COBL: variants seen among roughly 807,000 people sequenced by gnomAD.
COBL encodes cordon-bleu WH2 repeat protein, also known as protein cordon-bleu.
COBL carries 51 observed loss-of-function variants against 98.8 expected under a neutral mutation model. That is an observed-to-expected ratio of 0.52 (90% CI 0.41 to 0.65). The LOEUF is 0.65. Ranked by LOEUF, COBL falls within the 30% of genes least tolerant of loss-of-function variation. COBL has a pLI of 0.00. For synonymous variants in COBL, 634 were observed against 651.7 expected, an observed-to-expected ratio of 0.97 and a Z score of 0.41; for missense variants, 1,617 against 1,617.5, an observed-to-expected ratio of 1.00 and a Z score of 0.01.
chr7:51,299,427 CT>C (rs1424727617), intron 1 of COBL, among the ~76,000 whole-genome samples: 1 of 152,244 alleles, frequency 6.6e-6, no homozygotes, highest in Non-Finnish European at 1.5e-5. Context: ...CTATCTGTCT[CT>C]CTTTCTTCCC....
intron 1 of COBL, among the ~76,000 whole-genome samples, chr7:51,245,216 T>A (rs1796187149): frequency 1.3e-5 from 2 of 152,124 alleles, no homozygotes; most frequent in Admixed American, 1.3e-4. Flanking sequence ...TCCCTGAAAC[T>A]CCTGCTTTCA....
intron 7 of COBL, among the ~76,000 whole-genome samples, chr7:51,082,362 GC>G (rs1714816406): frequency 6.6e-6 from 1 of 152,150 alleles, no homozygotes; most frequent in Non-Finnish European, 1.5e-5. Flanking sequence ...TGCCCATAAT[GC>G]CATGGAGTGT....
At chr7:51,099,100 A>G (rs1378037146) in intron 6 of COBL, among the ~76,000 whole-genome samples, 4 of 152,162 alleles carry the variant, frequency 2.6e-5, no homozygotes, top group Admixed American at 2.6e-4. Context: ...TCAAAAAAAA[A>G]AAAAAAGAGA....
At chr7:51,191,138 C>T in intron 3 of COBL, 60 bp from the exon 4 acceptor site, 1 of 1,474,480 alleles carries the variant, frequency 6.8e-7, no homozygotes, top group East Asian at 2.3e-5. Context: ...GCCTTCAACT[C>T]TTGTGTCAAT....
intron 1 of COBL, among the ~76,000 whole-genome samples, chr7:51,250,585 T>C (rs149487846): frequency 6.6e-6 from 1 of 152,334 alleles, no homozygotes; most frequent in African/African-American, 2.4e-5. Context: ...TGTGTGCAAG[T>C]ATCTTTTATT....
intron 5 of COBL, among the ~76,000 whole-genome samples, chr7:51,146,245 A>C (rs1785019400): frequency 6.6e-6 from 1 of 152,248 alleles, no homozygotes; most frequent in South Asian, 2.1e-4. Flanking sequence ...TGTCTGTTTA[A>C]GTAAATCACT....
chr7:51,310,434 T>C (rs1465589371), intron 1 of COBL, among the ~76,000 whole-genome samples: 1 of 152,142 alleles, frequency 6.6e-6, no homozygotes, highest in African/African-American at 2.4e-5. Flanking sequence ...GTCAATAGGA[T>C]TAACAAATAA....
rs150865802 is a variant in COBL, at chr7:51,292,805, C to G, written c.41+23788G>C. ...AACTCTTTGCAGCCCCTGCAGGCCC[C>G]GAGCAGCCCTGAGTAAAGAGGAGCA... On this transcript the variant is annotated intron_variant, in intron 1 of 12. Transcript: ENST00000265136. Among the ~76,000 whole-genome samples the G allele has an allele frequency of 6.1e-3, 924 of 152,328 alleles. 14 individuals are homozygous for G. Among genetic ancestry groups the G allele is most frequent in the African/African-American group, 0.021 (871 of 41,576 alleles).
chr7:51,175,388 C>T (rs1415261507), intron 5 of COBL, among the ~76,000 whole-genome samples: 1 of 152,190 alleles, frequency 6.6e-6, no homozygotes, highest in Non-Finnish European at 1.5e-5. Context: ...TTAGAGACCG[C>T]TCCTTAAACC....
intron 5 of COBL, among the ~76,000 whole-genome samples, chr7:51,171,273 A>G (rs1321649127): frequency 6.6e-6 from 1 of 152,130 alleles, no homozygotes; most frequent in Non-Finnish European, 1.5e-5. Context: ...CTATTGACAA[A>G]TTTGAAAGAT....
chr7:51,295,413 AT>A (rs1185903322), intron 1 of COBL, among the ~76,000 whole-genome samples: 3 of 152,178 alleles, frequency 2.0e-5, no homozygotes, highest in Non-Finnish European at 4.4e-5. Context: ...AAAAATAACG[AT>A]TAAAAATACA....
intron 2 of COBL, among the ~76,000 whole-genome samples, chr7:51,203,151 G>A (rs1791300293): frequency 1.3e-5 from 2 of 151,698 alleles, no homozygotes; most frequent in Non-Finnish European, 2.9e-5. Flanking sequence ...TTAGCATAAG[G>A]AAGTTAATAA....
intron 1 of COBL, among the ~76,000 whole-genome samples, chr7:51,279,713 A>G (rs2129174790): frequency 6.6e-6 from 1 of 152,332 alleles, no homozygotes; most frequent in African/African-American, 2.4e-5. Context: ...ATGTACAATG[A>G]CACGTATTCA....
rs1366879349 is a variant in COBL, at chr7:51,136,319, T to G, written c.796A>C (p.Thr266Pro). The G allele has an allele frequency of 6.2e-7, 1 of 1,611,398 alleles. No individual in the cohort carries two copies. Among genetic ancestry groups the G allele is most frequent in the Admixed American group, 1.7e-5 (1 of 59,518 alleles). Residue 266 changes from threonine (T) to proline (P), a missense_variant, in exon 6 of 13, where the codon ACC becomes CCC. Thr to Pro is a conservative substitution (Grantham distance 38). This residue lies in a region of COBL where 1,304 missense variants were observed against 1,282.0 expected (regional missense o/e 1.02). Coordinates refer to ENST00000265136, the MANE Select transcript of COBL (RefSeq NM_015198.5). ...GAGTGCATGGATGGGGAGTTGGGGG[T>G]CGTTAAACAGCCCTGTTGGGGAAGA... The part of the protein sequence containing the change: ...KRSNSKGCLT[T>P]PNSPSMHSRS...
intron 6 of COBL, among the ~76,000 whole-genome samples, chr7:51,129,768 G>T (rs1176108860): frequency 6.6e-6 from 1 of 152,152 alleles, no homozygotes; most frequent in African/African-American, 2.4e-5. Flanking sequence ...CAGGTGAAAG[G>T]CTCTGCTGGG....
chr7:51,229,288 G>A (rs1258208119), intron 1 of COBL, among the ~76,000 whole-genome samples: 1 of 152,210 alleles, frequency 6.6e-6, no homozygotes, highest in Non-Finnish European at 1.5e-5. Flanking sequence ...CGGTGCCGGC[G>A]CCTGTACTCC....
At chr7:51,186,674 C>G (rs1789552070) in intron 4 of COBL, among the ~76,000 whole-genome samples, 1 of 152,228 alleles carries the variant, frequency 6.6e-6, no homozygotes. Context: ...TGTCTGGAGG[C>G]ACCAGGGGCC....
chr7:51,070,248 A>G (rs773967117), intron 7 of COBL, among the ~76,000 whole-genome samples: 22 of 152,146 alleles, frequency 1.4e-4, no homozygotes, highest in Non-Finnish European at 2.1e-4. Flanking sequence ...GCCTCATTTT[A>G]TTTAATACTT....
intron 6 of COBL, among the ~76,000 whole-genome samples, chr7:51,113,031 A>G (rs1796975242): frequency 6.6e-6 from 1 of 152,210 alleles, no homozygotes; most frequent in Non-Finnish European, 1.5e-5. Context: ...GGAAATGATA[A>G]AAATCCTTTG....
Sources: allele counts gnomAD v4.1 joint callset (sites outside exome capture counted in the v4.1 genomes callset), GRCh38; gene constraint gnomAD v4.1.1; regional missense constraint gnomAD v4.1.1; transcripts MANE v1.5; gene names NCBI Gene and HGNC (gene_info 2026-07-23, HGNC 2026-07-21).